ARHGEF7: variants seen among roughly 807,000 people sequenced by gnomAD.
The protein encoded by ARHGEF7 is Rho guanine nucleotide exchange factor 7.
ARHGEF7 carries 33 observed loss-of-function variants against 109.8 expected under a neutral mutation model. The ratio of observed to expected loss-of-function variants is 0.30; its 90% CI spans 0.23 to 0.40. The LOEUF is 0.40. Among genes scored for constraint, ARHGEF7 ranks in the 10% least tolerant of loss-of-function variants. The pLI is 1.00. For missense variants in ARHGEF7, 938 were observed against 1,098.5 expected (o/e 0.85, Z 2.07); for synonymous variants, 458 against 424.6 (o/e 1.08, Z -0.97).
intron 12 of ARHGEF7, among the ~76,000 whole-genome samples, chr13:111,276,260 C>T (rs942654): frequency 1 from 152,266 of 152,324 alleles, 76,104 homozygotes; most frequent in Middle Eastern, 1. Flanking sequence ...GCACCTCTTT[C>T]TGAATTTTAT....
chr13:111,303,027 C>G lies in ARHGEF7; in HGVS notation c.2503C>G (p.Gln835Glu). ...KKMKKSLEEE[Q>E]RARKDLEKLV... ...GATGAAGAAATCTCTAGAGGAAGAA[C>G]AGAGAGCCCGCAAAGACCTGGAGAA... The change falls in exon 22 of 22, where the codon CAG becomes GAG. Residue 835 changes from glutamine to glutamate, a missense_variant. Gln to Glu is a conservative substitution (Grantham distance 29). This residue lies in a region of ARHGEF7 where 166 missense variants were observed against 167.3 expected (regional missense o/e 0.99). Coordinates refer to ENST00000646102, the MANE Select transcript of ARHGEF7 (RefSeq NM_001354046.2). 6.2e-7 allele frequency: 1 copy of G among 1,614,166 alleles called. No individual in the cohort carries two copies. Among genetic ancestry groups the G allele is most frequent in the South Asian group, 1.1e-5 (1 of 91,072 alleles).
chr13:111,127,478 T>TC (rs1424284702), intron 1 of ARHGEF7, among the ~76,000 whole-genome samples: 1 of 151,350 alleles, frequency 6.6e-6, no homozygotes, highest in Non-Finnish European at 1.5e-5. Context: ...AGTGAGACCC[T>TC]CCCCCCATCA....
rs1173543388 is a variant in ARHGEF7, at chr13:111,292,191, G to C, written c.2208G>C (p.Gly736=). ...ACCAACCAAGCCTAGACTCCCTGGG[G>C]CGTCGCAGTAGCCTTTCTCGTTTGG... ...DDDQPSLDSL[G]RRSSLSRLEP... The change falls in exon 19 of 22, where the codon GGG becomes GGC. Residue 736 remains glycine, a synonymous_variant. Transcript: ENST00000646102. The C allele has an allele frequency of 6.2e-7, 1 of 1,614,024 alleles. No individual in the cohort carries two copies. The highest frequency in any genetic ancestry group is 8.5e-7 in the Non-Finnish European group (1 of 1,180,030).
intron 8 of ARHGEF7, among the ~76,000 whole-genome samples, chr13:111,262,732 G>A (rs1010502550): frequency 3.3e-5 from 5 of 151,890 alleles, no homozygotes; most frequent in Non-Finnish European, 7.4e-5. Flanking sequence ...TCTGGGTAAG[G>A]AAAAAAAACC....
chr13:111,298,084 G>C (rs1307819072), intron 19 of ARHGEF7, among the ~76,000 whole-genome samples: 2 of 152,244 alleles, frequency 1.3e-5, no homozygotes, highest in African/African-American at 4.8e-5. Context: ...AAAATTAGTT[G>C]ACTAAAATGT....
At chr13:111,200,072 C>T (rs572047911) in intron 2 of ARHGEF7, among the ~76,000 whole-genome samples, 1 of 152,258 alleles carries the variant, frequency 6.6e-6, no homozygotes, top group Non-Finnish European at 1.5e-5. Context: ...GTGACTCCTC[C>T]TCCTCTTCCT....
chr13:111,192,970 T>C (rs925220152), intron 2 of ARHGEF7, among the ~76,000 whole-genome samples: 1 of 152,228 alleles, frequency 6.6e-6, no homozygotes, highest in African/African-American at 2.4e-5. Context: ...TGACCTATTC[T>C]TTGTTCCCTT....
intron 2 of ARHGEF7, among the ~76,000 whole-genome samples, chr13:111,193,010 A>G (rs1317722383): frequency 6.6e-6 from 1 of 152,202 alleles, no homozygotes; most frequent in Non-Finnish European, 1.5e-5. Context: ...CCAAGGGATT[A>G]TTCCTTTGGC....
At chr13:111,236,347 GCTT>G (rs761687962) in intron 6 of ARHGEF7, among the ~76,000 whole-genome samples, 7 of 152,160 alleles carry the variant, frequency 4.6e-5, no homozygotes, top group Non-Finnish European at 8.8e-5. Flanking sequence ...TCCATTGACT[GCTT>G]CTTTTTTTCT....
At chr13:111,178,876 C>T (rs564947874) in intron 2 of ARHGEF7, among the ~76,000 whole-genome samples, 1 of 152,272 alleles carries the variant, frequency 6.6e-6, no homozygotes, top group South Asian at 2.1e-4. Context: ...ACGAAAGCCC[C>T]ACAGATGATG....
At chr13:111,294,638 G>A (rs2093384478) in intron 19 of ARHGEF7, 1 of 985,286 alleles carries the variant, frequency 1.0e-6, no homozygotes, top group Admixed American at 6.1e-5. Context: ...AAGTATTAGT[G>A]CCACAAGCCT....
chr13:111,222,686 C>G (rs989686942), intron 5 of ARHGEF7, among the ~76,000 whole-genome samples: 1 of 152,256 alleles, frequency 6.6e-6, no homozygotes, highest in Non-Finnish European at 1.5e-5. Context: ...GCCTCAGCCT[C>G]CCAAAGTGCT....
At position 111,273,340 on chromosome 13, in the gene ARHGEF7, A is replaced by G. The variant is rs2092292791; in HGVS notation, c.1074-474A>G. On this transcript the variant is annotated intron_variant, in intron 9 of 21. Transcript: ENST00000646102. The surrounding 1 kb of genome is among the most constrained non-coding windows in gnomAD (Gnocchi z 4.5). The stretch of plus-strand genomic sequence containing the variant: ...GCCTACTCCCAGGCTGAGTGCTGGC[A>G]GCACATAGGTGGGGCCTGCTCGCTG... Among the ~76,000 whole-genome samples, 2 of 152,206 alleles carry G rather than the reference A, an allele frequency of 1.3e-5. No individual in the cohort carries two copies. Among genetic ancestry groups the G allele is most frequent in the South Asian group, 4.1e-4 (2 of 4,828 alleles).
chr13:111,185,773 G>C (rs1451748200), intron 2 of ARHGEF7, among the ~76,000 whole-genome samples: 2 of 152,046 alleles, frequency 1.3e-5, no homozygotes, highest in Non-Finnish European at 2.9e-5. Context: ...TGTACGTGGT[G>C]AGTTGTGTCT....
rs761198802 is a variant in ARHGEF7 at position 111,286,253 on chromosome 13, G to A, written c.2044+13G>A. 107 of 1,606,484 alleles carry A rather than the reference G, an allele frequency of 6.7e-5. 2 individuals carry two copies. The East Asian group carries it at 2.1e-3, about 31-fold the overall frequency. On this transcript the variant is annotated intron_variant, in intron 17 of 21. Coordinates refer to ENST00000646102, the MANE Select transcript of ARHGEF7 (RefSeq NM_001354046.2). ...GCGTCCCGGAAAAGTGAGTACCTGC[G>A]GTCCGTGTGGTGGAGGACGTGGCCT...
chr13:111,167,052 C>T (rs761081351), intron 2 of ARHGEF7, among the ~76,000 whole-genome samples: 30 of 152,304 alleles, frequency 2.0e-4, no homozygotes, highest in Middle Eastern at 3.4e-3. Flanking sequence ...TGACGTTGCT[C>T]ATTTCCTGGC....
intron 1 of ARHGEF7, among the ~76,000 whole-genome samples, chr13:111,151,143 G>T (rs747195515): frequency 2.0e-5 from 3 of 152,190 alleles, no homozygotes; most frequent in Admixed American, 6.5e-5. Context: ...TCAGGGGCTC[G>T]TGTGACCATT....
At chr13:111,267,444 G>A (rs1187414094) in intron 8 of ARHGEF7, 104 bp from the exon 9 acceptor site, 4 of 1,449,386 alleles carry the variant, frequency 2.8e-6, no homozygotes, top group Admixed American at 1.7e-5. Flanking sequence ...ACAGATGGGT[G>A]CAGAGGGAGG....
chr13:111,263,631 C>T (rs772945465), intron 8 of ARHGEF7, among the ~76,000 whole-genome samples: 1 of 152,288 alleles, frequency 6.6e-6, no homozygotes, highest in Non-Finnish European at 1.5e-5. Context: ...GTTTTCTGTG[C>T]GTATACCTTT....
Sources: allele counts gnomAD v4.1 joint callset (sites outside exome capture counted in the v4.1 genomes callset), GRCh38; gene constraint gnomAD v4.1.1; regional missense constraint gnomAD v4.1.1; non-coding constraint Gnocchi (gnomAD v3.1); transcripts MANE v1.5; gene names NCBI Gene and HGNC (gene_info 2026-07-23, HGNC 2026-07-21).